Variants in CELF5 observed in about 807,000 individuals in gnomAD.
The protein encoded by CELF5 is CUGBP Elav-like family member 5, also known as CUG-BP and ETR-3 like factor 5.
In CELF5, 6 loss-of-function variants were observed where a neutral mutation model predicts 54.9. That is an observed-to-expected ratio of 0.11 (90% CI 0.06 to 0.22). CELF5 has a LOEUF of 0.22. Among genes scored for constraint, CELF5 ranks in the 10% least tolerant of loss-of-function variants. The pLI, the probability that CELF5 is intolerant of heterozygous loss-of-function variation, is 1.00. For synonymous variants in CELF5, 271 were observed against 290.9 expected (o/e 0.93, Z 0.70); for missense variants, 401 against 678.6 (o/e 0.59, Z 4.54).
rs756354716 is a variant in CELF5 at position 3,282,398 on chromosome 19, C to G, written c.939C>G (p.Leu313=). The stretch of plus-strand genomic sequence containing the variant: ...TGGGCACCACCGCTGTGCCTGGCCT[C>G]GTGGCTCCCATCACCAATGGCTTTG... ...PLLGTTAVPG[L]VAPITNGFAG... is the part of the protein sequence containing the mutation. The change falls in exon 8 of 13, where the codon CTC becomes CTG. Residue 313 remains leucine, a synonymous_variant. Coordinates refer to ENST00000292672, the MANE Select transcript of CELF5 (RefSeq NM_021938.4). The surrounding 1 kb of genome is among the most constrained non-coding windows in gnomAD (Gnocchi z 5.2). 6.2e-7 allele frequency: 1 copy of G among 1,612,280 alleles called. No individual in the cohort carries two copies. The highest frequency in any genetic ancestry group is 2.2e-5 in the East Asian group (1 of 44,882).
chr19:3,274,511 G>A (rs931977175), intron 3 of CELF5, among the ~76,000 whole-genome samples: 1 of 152,188 alleles, frequency 6.6e-6, no homozygotes, highest in Non-Finnish European at 1.5e-5. Flanking sequence ...ATGGGTGTGT[G>A]TGTTTGCACA....
intron 1 of CELF5, among the ~76,000 whole-genome samples, chr19:3,239,886 G>A (rs1162125879): frequency 6.6e-6 from 1 of 152,002 alleles, no homozygotes; most frequent in Non-Finnish European, 1.5e-5. Flanking sequence ...CTCTGACTAT[G>A]CCCAACCCCT....
rs2080467583 is a variant in CELF5, at chr19:3,297,025, A to AAC, written c.*309_*310insCA. The AAC allele has an allele frequency of 1.3e-5, 2 of 150,998 alleles. No individual in the cohort carries two copies. The highest frequency in any genetic ancestry group is 2.1e-4 in the South Asian group (1 of 4,720). The allele number at this position is 150,998 out of a possible 1,614,324, so 9.4% of individuals were successfully genotyped here. On this transcript the variant is annotated 3_prime_UTR_variant, in exon 13 of 13. Coordinates refer to ENST00000292672, the MANE Select transcript of CELF5 (RefSeq NM_021938.4). The stretch of plus-strand genomic sequence containing the variant: ...CTCTCTTTGGTCTGGAGAAAAAAAA[A>AAC]AAAAAAAAAAAACAACTAAAAATTT...
chr19:3,233,098 AAAATAAATAAAT>A (rs149983440), intron 1 of CELF5, among the ~76,000 whole-genome samples: 28 of 149,786 alleles, frequency 1.9e-4, no homozygotes, highest in African/African-American at 4.9e-4. Context: ...ATTAAAATTA[AAAATAAATAAAT>A]AAATAAATAA....
At position 3,262,159 on chromosome 19, in the gene CELF5, C is replaced by T. The variant is rs568500029; in HGVS notation, c.342+11092C>T. Among the ~76,000 whole-genome samples, 20 of 152,112 alleles carry T rather than the reference C, an allele frequency of 1.3e-4. No homozygotes were observed. The South Asian group carries it at 1.9e-3, about 14-fold the overall frequency. ...AAGCCATTCTCCTGCCTCAGTCTCC[C>T]GAGTAGCTGGGATTACAGGCACGCA... On this transcript the variant is annotated intron_variant, in intron 2 of 12. Coordinates refer to ENST00000292672, the MANE Select transcript of CELF5 (RefSeq NM_021938.4).
intron 2 of CELF5, among the ~76,000 whole-genome samples, chr19:3,272,368 A>C (rs2873049): frequency 0.3 from 43,797 of 145,124 alleles, 6,732 homozygotes; most frequent in East Asian, 0.58. Flanking sequence ...AGTCCGTCCC[A>C]AGAAAAAAAA....
In CELF5 at chr19:3,228,914, G is replaced by GCA. The variant is rs1917108602; in HGVS notation, c.259+3916_259+3917insCA. Among the ~76,000 whole-genome samples, 2 of 148,400 alleles carry GCA rather than the reference G, an allele frequency of 1.3e-5. No individual in the cohort carries two copies. ...TGTGTGTGTGTGTGTGTGTGTGTGT[G>GCA]TACGCGGGCGCGCGCCTGGGAAGGA... On this transcript the variant is annotated intron_variant, in intron 1 of 12. Coordinates refer to ENST00000292672, the MANE Select transcript of CELF5 (RefSeq NM_021938.4). The surrounding 1 kb of genome is among the most constrained non-coding windows in gnomAD (Gnocchi z 6.0).
rs182772617 is a variant in CELF5, at chr19:3,282,474, G to T, written c.1015G>T (p.Ala339Ser). The T allele has an allele frequency of 3.7e-6, 6 of 1,613,592 alleles. No individual in the cohort carries two copies. The Admixed American group carries it at 1.0e-4, about 27-fold the overall frequency. The stretch of plus-strand genomic sequence containing the variant: ...GCACCCTGCCCTGGAAACCGTCTAT[G>T]CCAATGGCCTTGTGCCCTACCCAGG... ...GGHPALETVYANGLVPYPAQS... is the reference protein window; with the variant it reads ...GGHPALETVYSNGLVPYPAQS... The change falls in exon 8 of 13, where the codon GCC (alanine) becomes TCC (serine). Residue 339 changes from alanine (A) to serine (S), a missense_variant. Physicochemically the swap from Ala to Ser is moderately conservative, Grantham distance 99. Transcript: ENST00000292672. The surrounding 1 kb of genome is among the most constrained non-coding windows in gnomAD (Gnocchi z 5.2).
chr19:3,247,793 G>T (rs1353033929), intron 1 of CELF5, among the ~76,000 whole-genome samples: 1 of 151,770 alleles, frequency 6.6e-6, no homozygotes, highest in African/African-American at 2.4e-5. Flanking sequence ...AAAGCACTTT[G>T]CTCTGTTGCC....
chr19:3,281,650 G>A lies in CELF5; in HGVS notation c.750+305G>A, dbSNP rs1436514128. ...CCAGACTGATCCCAAACTGAGACCTGACCTGATCAAGCTCCACCCTGGCTG... is the reference window on the plus strand; with the variant it reads ...CCAGACTGATCCCAAACTGAGACCTAACCTGATCAAGCTCCACCCTGGCTG... On this transcript the variant is annotated intron_variant, in intron 6 of 12. Transcript: ENST00000292672. This position sits in a 1 kb window ranked among gnomAD's most constrained non-coding sequence, Gnocchi z 6.5. Among the ~76,000 whole-genome samples, 1 of 152,120 alleles carries A rather than the reference G, an allele frequency of 6.6e-6. No homozygotes were observed. The highest frequency in any genetic ancestry group is 2.4e-5 in the African/African-American group (1 of 41,426).
chr19:3,255,192 C>T (rs1486725705), intron 2 of CELF5, among the ~76,000 whole-genome samples: 1 of 152,026 alleles, frequency 6.6e-6, no homozygotes, highest in Non-Finnish European at 1.5e-5. Context: ...GCACACCCCC[C>T]AATTTTTTTT....
rs149983440 is a variant in CELF5, at chr19:3,233,098, AAAATAAAT to A, written c.259+8123_259+8130del. On this transcript the variant is annotated intron_variant, in intron 1 of 12. Transcript: ENST00000292672. Reference sequence around the variant, plus strand: ...TCAAAAAAAATAAAAATTAAAATTAAAAATAAATAAATAAATAAATAAATAAATAAGTT... The same window carrying A: ...TCAAAAAAAATAAAAATTAAAATTAAAAATAAATAAATAAATAAATAAGTT... Among the ~76,000 whole-genome samples the A allele has an allele frequency of 4.3e-3, 650 of 149,784 alleles. 2 individuals carry two copies. The highest frequency in any genetic ancestry group is 0.014 in the African/African-American group (581 of 40,910).
intron 2 of CELF5, among the ~76,000 whole-genome samples, chr19:3,270,327 C>T (rs2079940030): frequency 6.6e-6 from 1 of 152,030 alleles, no homozygotes; most frequent in Admixed American, 6.6e-5. Flanking sequence ...AGGGACGCAG[C>T]CATGGGGAGC....
chr19:3,225,880 G>A (rs559577914), intron 1 of CELF5, among the ~76,000 whole-genome samples: 1 of 152,258 alleles, frequency 6.6e-6, no homozygotes, highest in South Asian at 2.1e-4. Context: ...GTCCATCTGG[G>A]CAGAGCCCAA....
At position 3,286,004 on chromosome 19, in the gene CELF5, C is replaced by T. The variant is rs2080242177; in HGVS notation, c.1165C>T (p.Leu389=). 1.3e-6 allele frequency: 2 copies of T among 1,585,490 alleles called. No individual in the cohort carries two copies. The highest frequency in any genetic ancestry group is 8.5e-7 in the Non-Finnish European group (1 of 1,173,242). ...CAGCGTCCCCCAGCCGCCGCCCCTC[C>T]TGCAGCAGCAGCAGCGAGAAGGTGA... is the stretch of plus-strand genomic sequence containing the variant. The part of the protein sequence containing the change: ...AHSVPQPPPL[L]QQQQREGPEG... Residue 389 remains leucine, a synonymous_variant, in exon 10 of 13, where the codon CTG becomes TTG. Transcript: ENST00000292672.
At chr19:3,242,721 G>T (rs945228055) in intron 1 of CELF5, among the ~76,000 whole-genome samples, 2 of 152,030 alleles carry the variant, frequency 1.3e-5, no homozygotes, top group African/African-American at 4.8e-5. Flanking sequence ...CAGGAGAATC[G>T]CTTGAACTTG....
chr19:3,266,104 G>A (rs777642263), intron 2 of CELF5, among the ~76,000 whole-genome samples: 6 of 152,130 alleles, frequency 3.9e-5, no homozygotes, highest in South Asian at 2.1e-4. Flanking sequence ...CACCACGCCC[G>A]ACCCCCACTT....
chr19:3,275,547 T>C lies in CELF5; in HGVS notation c.395-309T>C, dbSNP rs1434107700. Among the ~76,000 whole-genome samples, 1 of 152,102 alleles carries C rather than the reference T, an allele frequency of 6.6e-6. No individual in the cohort carries two copies. The highest frequency in any genetic ancestry group is 1.9e-4 in the East Asian group (1 of 5,174). On this transcript the variant is annotated intron_variant, in intron 3 of 12. Coordinates refer to ENST00000292672, the MANE Select transcript of CELF5 (RefSeq NM_021938.4). The surrounding 1 kb of genome is among the most constrained non-coding windows in gnomAD (Gnocchi z 6.7). ...CTGAGTGCACCAGAGGGAAAGGTCATCTCCGCCTGGAGGGGGAGCAGTGGA... is the reference window on the plus strand; with the variant it reads ...CTGAGTGCACCAGAGGGAAAGGTCACCTCCGCCTGGAGGGGGAGCAGTGGA...
rs528932362 is a variant in CELF5, at chr19:3,228,619, G to T, written c.259+3621G>T. 6.9e-4 allele frequency among the ~76,000 whole-genome samples: 105 copies of T among 152,138 alleles called. No homozygotes were observed. In the South Asian group the frequency reaches 9.1e-3, roughly 13 times the overall value. The stretch of plus-strand genomic sequence containing the variant: ...TGCGCTGGGGGACGGTGCAGGTGGG[G>T]GGGGGGCCCGGCGGGGGCCCGGGTG... On this transcript the variant is annotated intron_variant, in intron 1 of 12. Transcript: ENST00000292672. This position sits in a 1 kb window ranked among gnomAD's most constrained non-coding sequence, Gnocchi z 6.0.
Sources: allele counts gnomAD v4.1 joint callset (sites outside exome capture counted in the v4.1 genomes callset), GRCh38; gene constraint gnomAD v4.1.1; non-coding constraint Gnocchi (gnomAD v3.1); transcripts MANE v1.5; gene names NCBI Gene and HGNC (gene_info 2026-07-23, HGNC 2026-07-21).